The following TMEM135 variants were observed in gnomAD, a reference collection of about 807,000 sequenced individuals.
TMEM135 encodes peroxisomal membrane protein 52.
TMEM135 carries 30 observed loss-of-function variants against 60.3 expected under a neutral mutation model. The ratio of observed to expected loss-of-function variants is 0.50; its 90% CI spans 0.37 to 0.68. TMEM135 has a LOEUF of 0.68. Among genes scored for constraint, TMEM135 ranks in the 30% least tolerant of loss-of-function variants. The pLI, the probability that TMEM135 is intolerant of heterozygous loss-of-function variation, is 0.00. For missense variants in TMEM135, 468 were observed against 548.8 expected (o/e 0.85, Z 1.47); for synonymous variants, 190 against 186.7 (o/e 1.02, Z -0.14).
intron 5 of TMEM135, chr11:87,157,644 C>A: frequency 2.5e-6 from 1 of 407,762 alleles, no homozygotes. Context: ...TATCTTTACT[C>A]TTAAAAAATG....
chr11:87,228,215 T>A (rs1940808324), intron 5 of TMEM135, among the ~76,000 whole-genome samples: 1 of 152,168 alleles, frequency 6.6e-6, no homozygotes, highest in Non-Finnish European at 1.5e-5. Flanking sequence ...ATTAGGTAGT[T>A]ATTTTCCCCT....
intron 5 of TMEM135, among the ~76,000 whole-genome samples, chr11:87,214,116 T>C (rs1215579312): frequency 1.3e-5 from 2 of 152,196 alleles, no homozygotes; most frequent in Non-Finnish European, 2.9e-5. Context: ...TAATCATTGC[T>C]GACTTTAGTG....
chr11:87,282,573 GTTTC>G (rs1007170377), intron 6 of TMEM135, among the ~76,000 whole-genome samples: 6 of 152,126 alleles, frequency 3.9e-5, no homozygotes, highest in Admixed American at 3.9e-4. Context: ...GCCAACACTG[GTTTC>G]TTTAAAACTA....
intron 1 of TMEM135, among the ~76,000 whole-genome samples, chr11:87,057,639 A>G (rs1342996757): frequency 6.6e-6 from 1 of 152,194 alleles, no homozygotes; most frequent in Non-Finnish European, 1.5e-5. Context: ...CTGTAAGAAG[A>G]TAGGTAAATA....
intron 5 of TMEM135, among the ~76,000 whole-genome samples, chr11:87,172,751 G>T (rs1024577719): frequency 6.6e-5 from 10 of 151,760 alleles, no homozygotes; most frequent in Non-Finnish European, 1.3e-4. Flanking sequence ...TATCTTTATG[G>T]ATTTGTATGG....
Position 87,324,175 on chromosome 11 carries a change from G to A in TMEM135, c.*2842G>A, listed in dbSNP as rs1220226983. ...TTTAGTTGTTAATGCTGACGTAATT[G>A]TTTCCTGCTTATATTTTATCATATC... On this transcript the variant is annotated 3_prime_UTR_variant, in exon 15 of 15. Coordinates refer to ENST00000305494, the MANE Select transcript of TMEM135 (RefSeq NM_022918.4). 1 of 454,020 alleles carries A rather than the reference G, an allele frequency of 2.2e-6. No individual in the cohort carries two copies. The highest frequency in any genetic ancestry group is 2.3e-5 in the Admixed American group (1 of 42,562). The allele number at this position is 454,020 out of a possible 1,614,324, so 28.1% of individuals were successfully genotyped here.
intron 4 of TMEM135, among the ~76,000 whole-genome samples, chr11:87,143,453 G>T (rs188361667): frequency 6.6e-6 from 1 of 151,206 alleles, no homozygotes; most frequent in East Asian, 1.9e-4. Flanking sequence ...TTGGAAATTG[G>T]ACATTTTATT....
chr11:87,283,630 C>T (rs1459335246), intron 6 of TMEM135, among the ~76,000 whole-genome samples: 1 of 152,134 alleles, frequency 6.6e-6, no homozygotes, highest in African/African-American at 2.4e-5. Context: ...GAGGCCAAGG[C>T]AGGTGGATCA....
chr11:87,281,442 A>C (rs1385848443), intron 6 of TMEM135, among the ~76,000 whole-genome samples: 3 of 152,250 alleles, frequency 2.0e-5, no homozygotes, highest in Non-Finnish European at 4.4e-5. Flanking sequence ...GTTGTAGACT[A>C]TCCTATTTCT....
chr11:87,178,460 G>A (rs1415726276), intron 5 of TMEM135: 2 of 455,904 alleles, frequency 4.4e-6, no homozygotes, highest in Non-Finnish European at 8.8e-6. Context: ...TTTTGAGATG[G>A]AGTCTCACTG....
intron 4 of TMEM135, among the ~76,000 whole-genome samples, chr11:87,097,717 A>G (rs1857361794): frequency 1.3e-5 from 2 of 152,132 alleles, no homozygotes; most frequent in South Asian, 2.1e-4. Context: ...CATGACAAGC[A>G]TGCTTTCTCT....
intron 2 of TMEM135, 36 bp downstream of exon 2, chr11:87,067,857 G>T (rs1269407463): frequency 1.9e-6 from 3 of 1,610,070 alleles, no homozygotes; most frequent in East Asian, 2.2e-5. Flanking sequence ...ACTAATATAG[G>T]TTCTTCTATT....
intron 5 of TMEM135, among the ~76,000 whole-genome samples, chr11:87,162,609 C>G (rs1271653398): frequency 6.6e-6 from 1 of 152,158 alleles, no homozygotes; most frequent in Non-Finnish European, 1.5e-5. Flanking sequence ...TTTTCTTTAT[C>G]CAGTCTATCA....
intron 6 of TMEM135, among the ~76,000 whole-genome samples, chr11:87,291,543 T>C (rs1942262983): frequency 9.4e-6 from 1 of 106,118 alleles, no homozygotes; most frequent in Non-Finnish European, 1.8e-5. Context: ...TTTTTTTTTT[T>C]TTTTTTGAGA....
At chr11:87,126,907 A>G (rs1937749446) in intron 4 of TMEM135, among the ~76,000 whole-genome samples, 2 of 152,274 alleles carry the variant, frequency 1.3e-5, no homozygotes, top group South Asian at 4.1e-4. Flanking sequence ...CTAGTACAGG[A>G]AATGGTGAGA....
intron 4 of TMEM135, among the ~76,000 whole-genome samples, chr11:87,132,771 A>T (rs1434736370): frequency 6.6e-6 from 1 of 152,192 alleles, no homozygotes; most frequent in Non-Finnish European, 1.5e-5. Flanking sequence ...CCCCTAGTGG[A>T]TGCTGGAATT....
At chr11:87,247,736 C>A (rs498123) in intron 6 of TMEM135, among the ~76,000 whole-genome samples, 20 of 152,126 alleles carry the variant, frequency 1.3e-4, no homozygotes, top group African/African-American at 4.8e-4. Context: ...GGGAGTGACC[C>A]GATTTTCCAG....
intron 5 of TMEM135, among the ~76,000 whole-genome samples, chr11:87,193,519 G>A (rs936319861): frequency 6.6e-6 from 1 of 151,934 alleles, no homozygotes; most frequent in African/African-American, 2.4e-5. Flanking sequence ...CTTTAATTTG[G>A]TAGTGAGAAT....
chr11:87,186,579 C>T (rs376234106), intron 5 of TMEM135, among the ~76,000 whole-genome samples: 4 of 152,096 alleles, frequency 2.6e-5, no homozygotes, highest in East Asian at 3.8e-4. Context: ...CTGTTACTTA[C>T]AATAAAGTTC....
Sources: gnomAD v4.1 joint callset for allele counts (sites outside exome capture counted in the v4.1 genomes callset) on GRCh38, gnomAD v4.1.1 for gene constraint, MANE v1.5 for transcripts, NCBI Gene and HGNC (gene_info 2026-07-23, HGNC 2026-07-21) for gene names.